Variants in KIF16B observed in about 807,000 individuals in gnomAD.
KIF16B encodes kinesin family member 16B.
KIF16B carries 98 observed loss-of-function variants against 156.3 expected under a neutral mutation model. The ratio of observed to expected loss-of-function variants is 0.63; its 90% CI spans 0.53 to 0.74. The LOEUF (loss-of-function observed/expected upper bound fraction) is 0.74. Ranked by LOEUF, KIF16B falls within the 30% of genes least tolerant of loss-of-function variation. The pLI, the probability that KIF16B is intolerant of heterozygous loss-of-function variation, is 0.00. For missense variants in KIF16B, 1,421 were observed against 1,606.5 expected (o/e 0.88, Z 1.97); for synonymous variants, 564 against 583.7 (o/e 0.97, Z 0.49).
At chr20:16,350,407 G>A (rs543171561) in intron 23 of KIF16B, among the ~76,000 whole-genome samples, 4 of 152,206 alleles carry the variant, frequency 2.6e-5, no homozygotes, top group African/African-American at 9.6e-5. Context: ...GGGTGGGCAG[G>A]GGGCATAGAG....
intron 24 of KIF16B, among the ~76,000 whole-genome samples, chr20:16,331,571 A>G (rs2122904157): frequency 6.6e-6 from 1 of 152,352 alleles, no homozygotes; most frequent in Non-Finnish European, 1.5e-5. Flanking sequence ...GTCATTTAAA[A>G]ATATACTATC....
intron 12 of KIF16B, among the ~76,000 whole-genome samples, chr20:16,480,294 A>C (rs1187829657): frequency 1.3e-5 from 2 of 152,172 alleles, no homozygotes; most frequent in Non-Finnish European, 2.9e-5. Context: ...CTCGCACCCA[A>C]GACATGGGCC....
At chr20:16,448,006 C>A (rs1409920795) in intron 12 of KIF16B, among the ~76,000 whole-genome samples, 1 of 152,184 alleles carries the variant, frequency 6.6e-6, no homozygotes, top group Non-Finnish European at 1.5e-5. Flanking sequence ...AACCAGCAAG[C>A]TTAAGACAGG....
At chr20:16,481,969 T>A (rs1162549442) in intron 12 of KIF16B, among the ~76,000 whole-genome samples, 1 of 152,154 alleles carries the variant, frequency 6.6e-6, no homozygotes. Flanking sequence ...ACTGTCTGCA[T>A]CTTACAGTGA....
At chr20:16,361,657 G>A (rs2123201134) in intron 22 of KIF16B, among the ~76,000 whole-genome samples, 1 of 152,284 alleles carries the variant, frequency 6.6e-6, no homozygotes. Context: ...CTCACATCAG[G>A]AAACAAATAC....
chr20:16,493,249 A>G (rs1275415538), intron 12 of KIF16B, among the ~76,000 whole-genome samples: 2 of 152,212 alleles, frequency 1.3e-5, no homozygotes, highest in Non-Finnish European at 2.9e-5. Flanking sequence ...CTCATGAGAT[A>G]CAATCTTTCT....
chr20:16,453,813 T>C (rs1200629266), intron 12 of KIF16B, among the ~76,000 whole-genome samples: 1 of 152,180 alleles, frequency 6.6e-6, no homozygotes, highest in Non-Finnish European at 1.5e-5. Context: ...GATAACACCG[T>C]TGAAAGGCTG....
At chr20:16,568,875 G>C (rs6135799) in intron 1 of KIF16B, among the ~76,000 whole-genome samples, 1 of 115,538 alleles carries the variant, frequency 8.7e-6, no homozygotes, top group Non-Finnish European at 1.7e-5. Flanking sequence ...ACTGTCTTAA[G>C]AAACTGACTT....
At chr20:16,508,873 T>C (rs1419210629) in intron 6 of KIF16B, among the ~76,000 whole-genome samples, 3 of 152,164 alleles carry the variant, frequency 2.0e-5, no homozygotes, top group African/African-American at 7.2e-5. Context: ...TTTTAACAAA[T>C]TATTTTATTA....
rs1302335366 is a variant in KIF16B, at chr20:16,441,582, C to T, written c.1303-11600G>A. On this transcript the variant is annotated intron_variant, in intron 12 of 25. Transcript: ENST00000354981. ...GTCAAAATATCAAAAAAATATCAGG[C>T]TTGTGCCCACACCAGATCCTCTGAA... Among the ~76,000 whole-genome samples, 3 of 152,190 alleles carry T rather than the reference C, an allele frequency of 2.0e-5. No homozygotes were observed. In the East Asian group the frequency reaches 5.8e-4, roughly 29 times the overall value.
chr20:16,317,637 C>T (rs189181287), intron 24 of KIF16B, among the ~76,000 whole-genome samples: 6 of 152,270 alleles, frequency 3.9e-5, no homozygotes, highest in Non-Finnish European at 5.9e-5. Context: ...CGATTTGTTC[C>T]TCTCACCTTC....
At chr20:16,373,625 A>C (rs993669389) in intron 20 of KIF16B, among the ~76,000 whole-genome samples, 4 of 152,222 alleles carry the variant, frequency 2.6e-5, no homozygotes, top group Non-Finnish European at 1.5e-5. Context: ...TGACACATAA[A>C]TTAACTGTCA....
intron 12 of KIF16B, among the ~76,000 whole-genome samples, chr20:16,458,325 A>C (rs1218201888): frequency 6.6e-6 from 1 of 152,226 alleles, no homozygotes; most frequent in Non-Finnish European, 1.5e-5. Context: ...CACAGTTCTC[A>C]CTTTTCCTCT....
At chr20:16,392,879 CA>C (rs141540474) in intron 17 of KIF16B, among the ~76,000 whole-genome samples, 468 of 151,860 alleles carry the variant, frequency 3.1e-3, no homozygotes, top group African/African-American at 0.011. Flanking sequence ...ATTTAGCTGA[CA>C]AAATAACAAA....
At chr20:16,394,522 G>C (rs1040556255) in intron 17 of KIF16B, among the ~76,000 whole-genome samples, 2 of 152,130 alleles carry the variant, frequency 1.3e-5, no homozygotes, top group African/African-American at 2.4e-5. Context: ...CCATAAAAAC[G>C]CAAGACAACT....
chr20:16,526,459 CTCTGTAT>C, intron 2 of KIF16B, among the ~76,000 whole-genome samples: 1 of 152,336 alleles, frequency 6.6e-6, no homozygotes, highest in South Asian at 2.1e-4. Flanking sequence ...TCCAGCCAGA[CTCTGTAT>C]TTCCACCTTC....
chr20:16,521,775 T>C lies in KIF16B; in HGVS notation c.231+4317A>G, dbSNP rs184901035. Among the ~76,000 whole-genome samples the C allele has an allele frequency of 4.4e-3, 671 of 152,146 alleles. 5 individuals are homozygous for C. Among genetic ancestry groups the C allele is most frequent in the South Asian group, 0.043 (209 of 4,812 alleles). On this transcript the variant is annotated intron_variant, in intron 3 of 25. Transcript: ENST00000354981. ...AATGTTAAGGGCAGCCAGAGAGAAA[T>C]GTCAGGTCACCCACAAAGGGAAGCC...
At chr20:16,522,380 A>T (rs2069384698) in intron 3 of KIF16B, among the ~76,000 whole-genome samples, 1 of 152,252 alleles carries the variant, frequency 6.6e-6, no homozygotes, top group African/African-American at 2.4e-5. Flanking sequence ...CTAGTCTCTG[A>T]TAAAACAGAC....
At chr20:16,449,352 T>A (rs1875804333) in intron 12 of KIF16B, among the ~76,000 whole-genome samples, 1 of 152,176 alleles carries the variant, frequency 6.6e-6, no homozygotes, top group South Asian at 2.1e-4. Context: ...AAAAAAAATG[T>A]TACGCCAATG....
Sources: gnomAD v4.1 joint callset for allele counts (sites outside exome capture counted in the v4.1 genomes callset) on GRCh38, gnomAD v4.1.1 for gene constraint, MANE v1.5 for transcripts, NCBI Gene and HGNC (gene_info 2026-07-23, HGNC 2026-07-21) for gene names.